POFUT3: variants seen among roughly 807,000 people sequenced by gnomAD.
POFUT3 encodes the protein GDP-fucose protein O-fucosyltransferase 3.
At chr8:33,332,210 G>C in the POFUT3 span, among the ~76,000 whole-genome samples, 1 of 150,324 alleles carries the variant, frequency 6.7e-6, no homozygotes, top group African/African-American at 2.4e-5. Flanking sequence ...GAAGCCAGGA[G>C]CGGTGGCTCA....
the POFUT3 span, among the ~76,000 whole-genome samples, chr8:33,366,644 C>T: frequency 6.6e-6 from 1 of 152,282 alleles, no homozygotes; most frequent in Non-Finnish European, 1.5e-5. Flanking sequence ...AGTTGTCAAG[C>T]TCAATGTGGT....
chr8:33,398,299 C>T, the POFUT3 span, among the ~76,000 whole-genome samples: 3,042 of 152,136 alleles, frequency 0.02, 104 homozygotes, highest in African/African-American at 0.07. Flanking sequence ...GAACACCCAC[C>T]GTTCAGATTC....
the POFUT3 span, chr8:33,389,049 G>A: frequency 6.2e-7 from 1 of 1,614,144 alleles, no homozygotes; most frequent in Non-Finnish European, 8.5e-7. Flanking sequence ...TTGACGTCTT[G>A]CACTCCCCAT....
At chr8:33,448,177 CA>C in the POFUT3 span, among the ~76,000 whole-genome samples, 494 of 150,864 alleles carry the variant, frequency 3.3e-3, 2 homozygotes, top group African/African-American at 0.011. Flanking sequence ...CCCGTCTCTA[CA>C]AAAAAAAATT....
At chr8:33,420,838 G>A in the POFUT3 span, among the ~76,000 whole-genome samples, 1 of 151,728 alleles carries the variant, frequency 6.6e-6, no homozygotes, top group Non-Finnish European at 1.5e-5. Flanking sequence ...AGATGTTTGA[G>A]ATGATAGATT....
chr8:33,441,096 C>T, the POFUT3 span, among the ~76,000 whole-genome samples: 3 of 151,984 alleles, frequency 2.0e-5, no homozygotes, highest in South Asian at 4.2e-4. Flanking sequence ...TTTGGGAGGC[C>T]GAGGTGGGTG....
At chr8:33,416,991 G>A in the POFUT3 span, among the ~76,000 whole-genome samples, 1 of 152,206 alleles carries the variant, frequency 6.6e-6, no homozygotes, top group African/African-American at 2.4e-5. Context: ...TCCATCCGTA[G>A]CCTGTTAGGA....
chr8:33,311,599 G>A, the POFUT3 span, among the ~76,000 whole-genome samples: 1 of 152,148 alleles, frequency 6.6e-6, no homozygotes, highest in Admixed American at 6.5e-5. Context: ...TTATTTTTAT[G>A]TTAATGTCGG....
chr8:33,308,900 T>C, the POFUT3 span, among the ~76,000 whole-genome samples: 4 of 149,218 alleles, frequency 2.7e-5, no homozygotes, highest in African/African-American at 7.4e-5. Flanking sequence ...AGTCTGGTGG[T>C]GAATCGTCCA....
the POFUT3 span, among the ~76,000 whole-genome samples, chr8:33,309,847 T>C: frequency 6.6e-6 from 1 of 152,168 alleles, no homozygotes. Flanking sequence ...CAGGGGAAAC[T>C]GAATGGTTAT....
the POFUT3 span, among the ~76,000 whole-genome samples, chr8:33,361,611 C>T: frequency 2.4e-4 from 37 of 152,296 alleles, no homozygotes; most frequent in African/African-American, 8.7e-4. Context: ...AGAATGTAAG[C>T]CCTGTGGTGG....
chr8:33,420,600 T>C, the POFUT3 span, among the ~76,000 whole-genome samples: 1 of 152,174 alleles, frequency 6.6e-6, no homozygotes, highest in Non-Finnish European at 1.5e-5. Context: ...TTGGACTACA[T>C]TAGATAGATT....
the POFUT3 span, among the ~76,000 whole-genome samples, chr8:33,355,879 T>A: frequency 9.9e-5 from 15 of 152,244 alleles, no homozygotes; most frequent in South Asian, 3.1e-3. Context: ...TGTCCATGTG[T>A]TCTCATTGTT....
At chr8:33,417,805 G>C in the POFUT3 span, among the ~76,000 whole-genome samples, 1 of 152,068 alleles carries the variant, frequency 6.6e-6, no homozygotes, top group Non-Finnish European at 1.5e-5. Context: ...AAACGTCTAA[G>C]GCAAGAAAGG....
chr8:33,363,848 G>C, the POFUT3 span, among the ~76,000 whole-genome samples: 10 of 152,256 alleles, frequency 6.6e-5, no homozygotes, highest in South Asian at 2.1e-3. Context: ...GGTACAAGGA[G>C]GAGCTAGTAC....
chr8:33,430,057 G>A, the POFUT3 span, among the ~76,000 whole-genome samples: 2 of 150,606 alleles, frequency 1.3e-5, no homozygotes, highest in Non-Finnish European at 2.9e-5. Flanking sequence ...TTTCCCATGT[G>A]CCAAAACTCA....
chr8:33,341,413 C>T, the POFUT3 span, among the ~76,000 whole-genome samples: 3 of 123,288 alleles, frequency 2.4e-5, no homozygotes, highest in African/African-American at 9.4e-5. Context: ...CCAGCCTGGA[C>T]AACAGAGTGA....
chr8:33,368,310 TCTC>T, the POFUT3 span, among the ~76,000 whole-genome samples: 16 of 152,268 alleles, frequency 1.1e-4, no homozygotes, highest in South Asian at 4.1e-4. Context: ...AAGAGTCACT[TCTC>T]CTCAAACACC....
the POFUT3 span, among the ~76,000 whole-genome samples, chr8:33,362,179 G>A: frequency 1.3e-5 from 2 of 152,152 alleles, no homozygotes; most frequent in Non-Finnish European, 2.9e-5. Flanking sequence ...AGCTTCATAA[G>A]TGAAGGATAA....
Sources: allele counts gnomAD v4.1 joint callset (sites outside exome capture counted in the v4.1 genomes callset), GRCh38; gene constraint gnomAD v4.1.1; transcripts MANE v1.5; gene names NCBI Gene and HGNC (gene_info 2026-07-23, HGNC 2026-07-21).